Variants in IPO5 observed in about 807,000 individuals in gnomAD.
IPO5 encodes the protein importin 5.
In IPO5, 18 loss-of-function variants were observed where a neutral mutation model predicts 143.3. The ratio of observed to expected loss-of-function variants is 0.13; its 90% CI spans 0.09 to 0.19. IPO5 has a LOEUF of 0.19. IPO5 is among the 10% of genes least tolerant of loss of function. The pLI is 1.00. For missense variants in IPO5, 1,013 were observed against 1,336.9 expected, an observed-to-expected ratio of 0.76 and a Z score of 3.78; for synonymous variants, 477 against 465.7, an observed-to-expected ratio of 1.02 and a Z score of -0.31.
chr13:97,975,885 G>T, intron 3 of IPO5: 1 of 985,218 alleles, frequency 1.0e-6, no homozygotes, highest in Non-Finnish European at 1.2e-6. Flanking sequence ...CCCTCTTCCG[G>T]GCAAGCCCCA....
At chr13:98,014,766 C>T (rs559999135) in intron 22 of IPO5, among the ~76,000 whole-genome samples, 64 of 151,758 alleles carry the variant, frequency 4.2e-4, no homozygotes, top group African/African-American at 1.3e-3. Context: ...TAGTCTTGCA[C>T]TTAATAATCC....
intron 2 of IPO5, among the ~76,000 whole-genome samples, chr13:97,962,594 A>G (rs1328479908): frequency 6.6e-6 from 1 of 152,196 alleles, no homozygotes; most frequent in Non-Finnish European, 1.5e-5. Context: ...AGGCAGGCAG[A>G]TCACTTGAGG....
chr13:98,019,033 G>A (rs1054719413), intron 26 of IPO5, among the ~76,000 whole-genome samples: 6 of 151,710 alleles, frequency 4.0e-5, no homozygotes, highest in African/African-American at 1.2e-4. Context: ...TCGGCTCACT[G>A]CAACCTCCGC....
chr13:97,959,207 A>G (rs1884681551), intron 2 of IPO5, among the ~76,000 whole-genome samples: 1 of 151,482 alleles, frequency 6.6e-6, no homozygotes, highest in Non-Finnish European at 1.5e-5. Context: ...GTCACACTAC[A>G]GAACCATCAC....
chr13:98,021,535 G>T (rs1395484120), intron 28 of IPO5: 2 of 407,818 alleles, frequency 4.9e-6, no homozygotes, highest in Non-Finnish European at 4.4e-6. Flanking sequence ...CTTTTTCAGT[G>T]CAAAAATGAA....
At chr13:97,995,352 C>T (rs1041753846) in intron 11 of IPO5, among the ~76,000 whole-genome samples, 9 of 151,792 alleles carry the variant, frequency 5.9e-5, no homozygotes, top group Admixed American at 1.3e-4. Context: ...CCCCAAAGTC[C>T]GTTGTATCAT....
chr13:98,014,138 G>A lies in IPO5; in HGVS notation c.2249G>A (p.Cys750Tyr). ...EYLTQMWHFM[C>Y]DALIKAIGTE... ...CTCACACAGATGTGGCATTTTATGT[G>A]TGATGCTCTAATTAAGGCCATTGGT... Residue 750 changes from cysteine to tyrosine, a missense_variant, in exon 22 of 29, where the codon TGT (cysteine) becomes TAT (tyrosine). Around this residue, in one of 2 missense-constraint regions of IPO5, gnomAD observed 685 missense variants for 994.9 expected, o/e 0.69. Transcript: ENST00000651721. 6.2e-7 allele frequency: 1 copy of A among 1,613,782 alleles called. No homozygotes were observed. Among genetic ancestry groups the A allele is most frequent in the Non-Finnish European group, 8.5e-7 (1 of 1,179,674 alleles).
intron 3 of IPO5, 149 bp from the exon 4 acceptor site, chr13:97,976,544 T>A: frequency 1.5e-5 from 2 of 133,760 alleles, no homozygotes; most frequent in Non-Finnish European, 3.1e-5. Context: ...CCCTTTCCCC[T>A]TTGCCCCGCC....
In IPO5 at chr13:98,021,726, C is replaced by A. The variant is rs752939894; in HGVS notation, c.3208-10C>A. ...TCGTCCTAAGTCTGTGAAAATGTTT[C>A]TTTCCCTAGACTTCTGGAGGACTGT... On this transcript the variant is annotated splice_polypyrimidine_tract_variant and intron_variant, in intron 28 of 28. Coordinates refer to ENST00000651721, the MANE Select transcript of IPO5 (RefSeq NM_002271.6). 4.0e-6 allele frequency: 6 copies of A among 1,502,734 alleles called. No homozygotes were observed. 93.1% of individuals were successfully genotyped at this position (1,502,734 alleles called of 1,614,324 possible).
At chr13:97,994,302 C>T (rs567516275) in intron 11 of IPO5, among the ~76,000 whole-genome samples, 58 of 150,326 alleles carry the variant, frequency 3.9e-4, no homozygotes, top group Non-Finnish European at 6.2e-4. Flanking sequence ...GAGCGAAACT[C>T]GTCTCAAAAA....
intron 24 of IPO5, 144 bp from the exon 25 acceptor site, chr13:98,016,585 G>T (rs979500915): frequency 2.7e-5 from 12 of 442,760 alleles, no homozygotes; most frequent in African/African-American, 1.4e-4. Context: ...GGGTTACTCC[G>T]GTCTCTAGAC....
intron 11 of IPO5, among the ~76,000 whole-genome samples, chr13:97,995,757 A>AAAT (rs796361663): frequency 8.5e-4 from 129 of 151,720 alleles, no homozygotes; most frequent in African/African-American, 2.5e-3. Context: ...TCTGTCTCAA[A>AAAT]AATAATAATA....
intron 6 of IPO5, chr13:97,987,964 A>C (rs754955108): frequency 3.6e-6 from 1 of 275,270 alleles, no homozygotes; most frequent in African/African-American, 2.2e-5. Context: ...TTTTTTTTTA[A>C]GCTGCTATTT....
chr13:97,984,900 T>C (rs921462847), intron 5 of IPO5, among the ~76,000 whole-genome samples: 2 of 152,230 alleles, frequency 1.3e-5, no homozygotes, highest in Non-Finnish European at 2.9e-5. Flanking sequence ...AATCCAAGAA[T>C]ACACATGTTG....
intron 11 of IPO5, among the ~76,000 whole-genome samples, chr13:97,994,045 G>A (rs1888024334): frequency 6.6e-6 from 1 of 152,226 alleles, no homozygotes; most frequent in African/African-American, 2.4e-5. Context: ...AGTGGCTCAT[G>A]CCTGTAATCC....
At chr13:98,016,950 G>T (rs997861672) in intron 25 of IPO5, 99 bp downstream of exon 25, 9 of 864,416 alleles carry the variant, frequency 1.0e-5, no homozygotes, top group Non-Finnish European at 1.4e-5. Context: ...ATGGGTCTCA[G>T]AAATGATTGT....
intron 2 of IPO5, among the ~76,000 whole-genome samples, chr13:97,966,346 G>T (rs1566448880): frequency 6.6e-6 from 1 of 152,012 alleles, no homozygotes; most frequent in Non-Finnish European, 1.5e-5. Flanking sequence ...AATGAAAAGG[G>T]ATTGGATTCT....
At chr13:97,980,557 C>CG (rs1405584725) in intron 4 of IPO5, among the ~76,000 whole-genome samples, 22 of 152,088 alleles carry the variant, frequency 1.4e-4, no homozygotes, top group African/African-American at 4.8e-4. Flanking sequence ...TGGCTGGGCG[C>CG]GGTGGCTCAT....
At chr13:97,976,022 G>A (rs1380005674) in intron 3 of IPO5, 1 of 927,122 alleles carries the variant, frequency 1.1e-6, no homozygotes, top group Non-Finnish European at 1.3e-6. Flanking sequence ...GGTCTAAAGG[G>A]ACTGCCTTCC....
Sources: gnomAD v4.1 joint callset for allele counts (sites outside exome capture counted in the v4.1 genomes callset) on GRCh38, gnomAD v4.1.1 for gene constraint, gnomAD v4.1.1 regional missense constraint, MANE v1.5 for transcripts, NCBI Gene and HGNC (gene_info 2026-07-23, HGNC 2026-07-21) for gene names.